Variants in TTLL5 observed in about 807,000 individuals in gnomAD.
TTLL5 encodes tubulin polyglutamylase TTLL5.
In TTLL5, 132 loss-of-function variants were observed where a neutral mutation model predicts 168.4. That is an observed-to-expected ratio of 0.78 (90% CI 0.68 to 0.91). The LOEUF is 0.91. TTLL5 is among the 40% of genes least tolerant of loss of function. TTLL5 has a pLI of 0.00. For missense variants in TTLL5, 1,545 were observed against 1,581.5 expected (o/e 0.98, Z 0.39); for synonymous variants, 546 against 558.6 (o/e 0.98, Z 0.32).
intron 31 of TTLL5, among the ~76,000 whole-genome samples, chr14:75,948,138 A>G (rs1366518294): frequency 6.7e-6 from 1 of 148,984 alleles, no homozygotes; most frequent in East Asian, 2.0e-4. Flanking sequence ...TAACAAAAAG[A>G]TACTGGAAAA....
At chr14:75,903,552 G>A (rs1390010400) in intron 31 of TTLL5, among the ~76,000 whole-genome samples, 1 of 151,980 alleles carries the variant, frequency 6.6e-6, no homozygotes, top group South Asian at 2.1e-4. Flanking sequence ...GCAGGAGGGG[G>A]CTGGGTGGCT....
intron 31 of TTLL5, among the ~76,000 whole-genome samples, chr14:75,950,161 G>C (rs1262336565): frequency 6.6e-6 from 1 of 152,218 alleles, no homozygotes; most frequent in Non-Finnish European, 1.5e-5. Context: ...ACACATTGCG[G>C]TTAGAAGAGG....
Position 75,882,688 on chromosome 14 carries a change from A to G in TTLL5, c.3526A>G (p.Ile1176Val). 3.7e-6 allele frequency: 6 copies of G among 1,605,468 alleles called. No homozygotes were observed. The highest frequency in any genetic ancestry group is 5.1e-6 in the Non-Finnish European group (6 of 1,176,264). ...LDQSRARHQAIFGSQTLPNSN... is the reference protein window; with the variant it reads ...LDQSRARHQAVFGSQTLPNSN... Reference sequence around the variant, plus strand: ...TTTTTTCCTTTTTTTTTTGTAGGCAATCTTTGGCAGCCAGACACTACCTAA... The same window carrying G: ...TTTTTTCCTTTTTTTTTTGTAGGCAGTCTTTGGCAGCCAGACACTACCTAA... Residue 1176 changes from isoleucine to valine, a missense_variant, in exon 30 of 32, where the codon ATC (isoleucine) becomes GTC (valine). Transcript: ENST00000298832.
intron 6 of TTLL5, 85 bp downstream of exon 6, chr14:75,690,407 C>T: frequency 6.8e-7 from 1 of 1,477,628 alleles, no homozygotes; most frequent in Admixed American, 2.6e-5. Flanking sequence ...AGGTGTCAAC[C>T]AATCAGGGCT....
chr14:75,932,527 G>A (rs2034308608), intron 31 of TTLL5, among the ~76,000 whole-genome samples: 1 of 152,054 alleles, frequency 6.6e-6, no homozygotes, highest in Non-Finnish European at 1.5e-5. Context: ...AAGTAAAATA[G>A]AATGTTAACA....
chr14:75,760,408 T>A (rs1020764897), intron 18 of TTLL5, among the ~76,000 whole-genome samples: 7 of 152,024 alleles, frequency 4.6e-5, no homozygotes, highest in Non-Finnish European at 8.8e-5. Context: ...AAAATAGCCA[T>A]TTTCCTCAAA....
chr14:75,706,124 T>C lies in TTLL5; in HGVS notation c.586-894T>C, dbSNP rs140549519. On this transcript the variant is annotated intron_variant, in intron 7 of 31. Coordinates refer to ENST00000298832, the MANE Select transcript of TTLL5 (RefSeq NM_015072.5). ...CTTCCGATGATGGGCTCCTTTCTTC[T>C]CCACCATGTGCTTCCCAGCCTTCAC... Among the ~76,000 whole-genome samples, 17 of 152,316 alleles carry C rather than the reference T, an allele frequency of 1.1e-4. No homozygotes were observed. The East Asian group carries it at 3.3e-3, about 29-fold the overall frequency.
At chr14:75,770,448 A>G (rs1474970570) in intron 20 of TTLL5, among the ~76,000 whole-genome samples, 3 of 152,224 alleles carry the variant, frequency 2.0e-5, no homozygotes, top group Non-Finnish European at 2.9e-5. Flanking sequence ...TAACCTTGTG[A>G]AAACAGTCAG....
rs116962111 is a variant in TTLL5, at chr14:75,806,657, A to G, written c.3172-13350A>G. Among the ~76,000 whole-genome samples, 1,005 of 152,288 alleles carry G rather than the reference A, an allele frequency of 6.6e-3. 7 individuals carry two copies. The highest frequency in any genetic ancestry group is 0.012 in the Non-Finnish European group (840 of 68,008). On this transcript the variant is annotated intron_variant, in intron 27 of 31. Coordinates refer to ENST00000298832, the MANE Select transcript of TTLL5 (RefSeq NM_015072.5). ...CACTCATATGCATACTCTTTCACTC[A>G]TCACACTAGGTATGTCAAGATAGCT...
chr14:75,774,144 C>T (rs1006492298), intron 21 of TTLL5, among the ~76,000 whole-genome samples: 3 of 151,942 alleles, frequency 2.0e-5, no homozygotes, highest in African/African-American at 4.8e-5. Flanking sequence ...ATCAACAGAA[C>T]GTCCCCAGAT....
At chr14:75,716,300 T>C (rs1468112345) in intron 9 of TTLL5, among the ~76,000 whole-genome samples, 1 of 152,248 alleles carries the variant, frequency 6.6e-6, no homozygotes, top group African/African-American at 2.4e-5. Flanking sequence ...CATCAAACTC[T>C]TGTCTTTTAG....
intron 31 of TTLL5, among the ~76,000 whole-genome samples, chr14:75,914,874 T>C (rs947820072): frequency 1.7e-4 from 26 of 152,104 alleles, no homozygotes; most frequent in African/African-American, 5.1e-4. Flanking sequence ...CCGCCCACCT[T>C]GGCCTCCCAA....
At chr14:75,724,135 G>A (rs780668382) in intron 12 of TTLL5, among the ~76,000 whole-genome samples, 1 of 151,994 alleles carries the variant, frequency 6.6e-6, no homozygotes, top group Admixed American at 6.6e-5. Context: ...CATGGGGTTC[G>A]CTATATTCTT....
At chr14:75,884,231 T>C (rs542516085) in intron 30 of TTLL5, among the ~76,000 whole-genome samples, 4 of 152,342 alleles carry the variant, frequency 2.6e-5, no homozygotes, top group African/African-American at 9.6e-5. Flanking sequence ...GGAAAGCCCG[T>C]AGTTAACTAG....
chr14:75,940,311 C>T (rs2034562113), intron 31 of TTLL5, among the ~76,000 whole-genome samples: 1 of 151,806 alleles, frequency 6.6e-6, no homozygotes, highest in Non-Finnish European at 1.5e-5. Flanking sequence ...AATCTCCTGA[C>T]CTCATGATCC....
At chr14:75,708,623 C>A (rs1886822334) in intron 9 of TTLL5, among the ~76,000 whole-genome samples, 1 of 152,080 alleles carries the variant, frequency 6.6e-6, no homozygotes, top group Admixed American at 6.6e-5. Flanking sequence ...CCACACCTGG[C>A]CTGTTGAGGT....
intron 28 of TTLL5, among the ~76,000 whole-genome samples, chr14:75,833,231 G>A (rs1022529406): frequency 6.6e-6 from 1 of 152,028 alleles, no homozygotes; most frequent in Non-Finnish European, 1.5e-5. Flanking sequence ...CGTTCTCTGA[G>A]TTCTGACCTT....
intron 27 of TTLL5, among the ~76,000 whole-genome samples, chr14:75,794,398 T>C (rs1892886071): frequency 6.6e-6 from 1 of 151,018 alleles, no homozygotes; most frequent in South Asian, 2.1e-4. Context: ...GTTTCCGGTT[T>C]ATAAATGGGC....
chr14:75,834,182 T>A (rs1382478227), intron 28 of TTLL5, among the ~76,000 whole-genome samples: 1 of 152,184 alleles, frequency 6.6e-6, no homozygotes, highest in African/African-American at 2.4e-5. Flanking sequence ...GGATTGATTT[T>A]GCAGAGAGTG....
Sources: allele counts gnomAD v4.1 joint callset (sites outside exome capture counted in the v4.1 genomes callset), GRCh38; gene constraint gnomAD v4.1.1; transcripts MANE v1.5; gene names NCBI Gene and HGNC (gene_info 2026-07-23, HGNC 2026-07-21).